BTBD9: variants seen among roughly 807,000 people sequenced by gnomAD.
The protein encoded by BTBD9 is BTB/POZ domain-containing protein 9.
BTBD9 carries 49 observed loss-of-function variants against 64.3 expected under a neutral mutation model. The observed-to-expected ratio is 0.76, with a 90% CI of 0.61 to 0.97. BTBD9 has a LOEUF of 0.97. BTBD9 is among the 50% of genes least tolerant of loss of function. The pLI is 0.00. For synonymous variants in BTBD9, 260 were observed against 274.7 expected (o/e 0.95, Z 0.53); for missense variants, 598 against 762.1 (o/e 0.78, Z 2.53).
At chr6:38,518,728 A>C (rs1462713561) in intron 6 of BTBD9, among the ~76,000 whole-genome samples, 1 of 152,208 alleles carries the variant, frequency 6.6e-6, no homozygotes, top group Non-Finnish European at 1.5e-5. Flanking sequence ...TCTTTGAGTC[A>C]CAGTTTCCTC....
Position 38,344,968 on chromosome 6 carries a change from T to G in BTBD9, c.1264+16A>C. On this transcript the variant is annotated intron_variant, in intron 7 of 10. Transcript: ENST00000481247. The stretch of plus-strand genomic sequence containing the variant: ...ATATCCAAATATACATACAAAAATC[T>G]AATGGTAATACTTACCTATCAGCCC... The G allele has an allele frequency of 2.7e-6, 4 of 1,465,070 alleles. No individual in the cohort carries two copies. Among genetic ancestry groups the G allele is most frequent in the Non-Finnish European group, 3.8e-6 (4 of 1,058,062 alleles). 90.8% of individuals were successfully genotyped at this position (1,465,070 alleles called of 1,614,324 possible).
At chr6:38,267,964 A>G (rs1247580539) in intron 8 of BTBD9, among the ~76,000 whole-genome samples, 1 of 152,148 alleles carries the variant, frequency 6.6e-6, no homozygotes, top group East Asian at 1.9e-4. Context: ...AACAAAACAA[A>G]AACCGAAGGA....
rs116762165 is a variant in BTBD9, at chr6:38,582,443, A to T, written c.815-2006T>A. On this transcript the variant is annotated intron_variant, in intron 4 of 10. Transcript: ENST00000481247. ...TCACAGATGAGAAGTGGAGGCAGAA[A>T]AAAGTTAGACAGACTTACTTGTCCC... Among the ~76,000 whole-genome samples, 849 of 152,336 alleles carry T rather than the reference A, an allele frequency of 5.6e-3. 9 individuals carry two copies. Among genetic ancestry groups the T allele is most frequent in the African/African-American group, 0.019 (779 of 41,582 alleles).
At chr6:38,192,648 T>C (rs773399876) in intron 9 of BTBD9, 51 bp from the exon 10 acceptor site, 1 of 1,529,978 alleles carries the variant, frequency 6.5e-7, no homozygotes, top group Non-Finnish European at 9.0e-7. Flanking sequence ...GTTGACTCTC[T>C]GGTAGTGTGG....
intron 7 of BTBD9, 80 bp downstream of exon 7, chr6:38,344,904 A>G: frequency 1.1e-6 from 1 of 917,750 alleles, no homozygotes. Context: ...AGAACTGATT[A>G]AGATAAGTTA....
At chr6:38,239,063 C>A (rs990683249) in intron 9 of BTBD9, among the ~76,000 whole-genome samples, 3 of 152,058 alleles carry the variant, frequency 2.0e-5, no homozygotes, top group African/African-American at 7.2e-5. Context: ...GAGAAGAGTA[C>A]AGAACATAAA....
intron 6 of BTBD9, chr6:38,402,791 G>T: frequency 1.4e-6 from 1 of 700,152 alleles, no homozygotes; most frequent in South Asian, 1.5e-5. Flanking sequence ...AAATCAGCAA[G>T]ACTTGGTGGC....
At chr6:38,505,718 G>A (rs1158748919) in intron 6 of BTBD9, among the ~76,000 whole-genome samples, 2 of 151,796 alleles carry the variant, frequency 1.3e-5, no homozygotes, top group African/African-American at 4.8e-5. Flanking sequence ...TGTAATCCTA[G>A]CACTTTGGGA....
At chr6:38,391,252 A>G (rs1208181724) in intron 6 of BTBD9, among the ~76,000 whole-genome samples, 1 of 152,214 alleles carries the variant, frequency 6.6e-6, no homozygotes, top group African/African-American at 2.4e-5. Context: ...TTAAGTTACA[A>G]ATTTGGTTAA....
chr6:38,459,637 C>G, intron 6 of BTBD9, among the ~76,000 whole-genome samples: 1 of 152,122 alleles, frequency 6.6e-6, no homozygotes, highest in Non-Finnish European at 1.5e-5. Context: ...TGTGTAATGT[C>G]AACAAGAAAT....
chr6:38,489,068 G>A lies in BTBD9; in HGVS notation c.1154+88532C>T, dbSNP rs141982641. On this transcript the variant is annotated intron_variant, in intron 6 of 10. Coordinates refer to ENST00000481247, the MANE Select transcript of BTBD9 (RefSeq NM_001099272.2). The stretch of plus-strand genomic sequence containing the variant: ...GCTTCACTATGCTTGGTTAATTTTT[G>A]TATGTTTTGTAGAGATAGGGTTTCA... Among the ~76,000 whole-genome samples the A allele has an allele frequency of 1.8e-3, 275 of 151,916 alleles. 1 individual carries two copies. Among genetic ancestry groups the A allele is most frequent in the African/African-American group, 6.3e-3 (263 of 41,430 alleles).
chr6:38,236,995 C>T (rs1763801458), intron 9 of BTBD9, among the ~76,000 whole-genome samples: 1 of 152,188 alleles, frequency 6.6e-6, no homozygotes, highest in Non-Finnish European at 1.5e-5. Flanking sequence ...CCAGGGGAAG[C>T]CTGATCTCAG....
chr6:38,455,385 G>GT lies in BTBD9; in HGVS notation c.1155-110293dup, dbSNP rs140768174. On this transcript the variant is annotated intron_variant, in intron 6 of 10. Transcript: ENST00000481247. ...GGGTCTTGCTTTGTTGCCCAAGCTG[G>GT]TCTTGAACTCCTGTGCTCAGGTGAT... 7.0e-3 allele frequency among the ~76,000 whole-genome samples: 1,061 copies of GT among 152,252 alleles called. 12 individuals carry two copies. The highest frequency in any genetic ancestry group is 0.024 in the African/African-American group (998 of 41,528).
At chr6:38,317,178 G>A (rs570747521) in intron 7 of BTBD9, among the ~76,000 whole-genome samples, 5 of 151,950 alleles carry the variant, frequency 3.3e-5, no homozygotes, top group Non-Finnish European at 5.9e-5. Context: ...GGTATTTTTA[G>A]TAGAGACAGG....
intron 9 of BTBD9, among the ~76,000 whole-genome samples, chr6:38,231,167 CTTG>C (rs1398164811): frequency 1.3e-5 from 2 of 152,106 alleles, no homozygotes; most frequent in African/African-American, 4.8e-5. Context: ...AAAAATGGCT[CTTG>C]GTTTCATTTT....
At chr6:38,353,156 T>A (rs1764588865) in intron 6 of BTBD9, among the ~76,000 whole-genome samples, 1 of 152,102 alleles carries the variant, frequency 6.6e-6, no homozygotes, top group Non-Finnish European at 1.5e-5. Flanking sequence ...TGTAAATGAG[T>A]CTAAGGTGTA....
chr6:38,426,944 C>T (rs1483916040), intron 6 of BTBD9, among the ~76,000 whole-genome samples: 1 of 151,690 alleles, frequency 6.6e-6, no homozygotes, highest in African/African-American at 2.4e-5. Context: ...CATCCAGCCT[C>T]CAGTGTCCCC....
intron 6 of BTBD9, among the ~76,000 whole-genome samples, chr6:38,383,704 C>T (rs1766034287): frequency 6.6e-6 from 1 of 152,136 alleles, no homozygotes; most frequent in African/African-American, 2.4e-5. Flanking sequence ...ATACAAGGAT[C>T]GAACCTTATA....
At chr6:38,217,492 T>C (rs926359308) in intron 9 of BTBD9, among the ~76,000 whole-genome samples, 2 of 151,896 alleles carry the variant, frequency 1.3e-5, no homozygotes, top group African/African-American at 4.8e-5. Flanking sequence ...GGGACTGACA[T>C]GGAGATACCG....
Sources: gnomAD v4.1 joint callset for allele counts (sites outside exome capture counted in the v4.1 genomes callset) on GRCh38, gnomAD v4.1.1 for gene constraint, MANE v1.5 for transcripts, NCBI Gene and HGNC (gene_info 2026-07-23, HGNC 2026-07-21) for gene names.